Variants in PATL2 observed in about 807,000 individuals in gnomAD.
PATL2 encodes PAT1 homolog 2.
A neutral mutation model predicts 77.0 loss-of-function variants in PATL2; 73 were observed. The ratio of observed to expected loss-of-function variants is 0.95; its 90% CI spans 0.78 to 1.15. The LOEUF (loss-of-function observed/expected upper bound fraction) is 1.15, where lower values mean the gene tolerates loss of function less well. Among genes scored for constraint, PATL2 ranks in the 50% most tolerant of loss-of-function variants. PATL2 has a pLI of 0.00. For synonymous variants in PATL2, 265 were observed against 257.1 expected (o/e 1.03, Z -0.29); for missense variants, 618 against 655.4 (o/e 0.94, Z 0.62).
intron 3 of PATL2, among the ~76,000 whole-genome samples, chr15:44,700,825 G>A (rs550303626): frequency 1.3e-5 from 2 of 152,240 alleles, no homozygotes; most frequent in African/African-American, 4.8e-5. Context: ...TGGTGGAAGT[G>A]GGCATCTTTG....
chr15:44,671,134 T>C (rs1300821660), intron 9 of PATL2, among the ~76,000 whole-genome samples: 1 of 152,122 alleles, frequency 6.6e-6, no homozygotes, highest in Non-Finnish European at 1.5e-5. Context: ...AAATACCTAA[T>C]GTAAATGAGA....
chr15:44,687,297 G>A (rs1488693860), intron 3 of PATL2, among the ~76,000 whole-genome samples: 2 of 152,116 alleles, frequency 1.3e-5, no homozygotes, highest in African/African-American at 4.8e-5. Context: ...TAGAACCAAT[G>A]ACAAAAACCA....
Position 44,665,991 on chromosome 15 carries a change from T to C in PATL2, c.1614-20A>G, listed in dbSNP as rs374604893. ...GCAAACCTATAAAGAGAACAGATAT[T>C]AACTGCAAGCACAATTCTACTTTGC... is the stretch of plus-strand genomic sequence containing the variant. On this transcript the variant is annotated intron_variant, in intron 17 of 17. Transcript: ENST00000682850. 7.9e-6 allele frequency: 12 copies of C among 1,517,144 alleles called. No individual in the cohort carries two copies. The highest frequency in any genetic ancestry group is 1.1e-5 in the Non-Finnish European group (12 of 1,129,078). 94.0% of individuals were successfully genotyped at this position (1,517,144 alleles called of 1,614,324 possible). A position where few individuals can be genotyped will look rare whatever the true frequency, so the allele number is the denominator to read the frequency against.
intron 16 of PATL2, 74 bp downstream of exon 16, chr15:44,667,032 G>A (rs2085407957): frequency 9.2e-6 from 11 of 1,193,610 alleles, no homozygotes; most frequent in South Asian, 1.3e-5. Context: ...AATGCCTCAG[G>A]AAATACTTCA....
At chr15:44,675,920 G>A in intron 4 of PATL2, 1 of 520,444 alleles carries the variant, frequency 1.9e-6, no homozygotes. Context: ...GGTGGCTCGT[G>A]CCTGTAGTCC....
chr15:44,693,291 G>A (rs1421342925), intron 3 of PATL2, among the ~76,000 whole-genome samples: 1 of 152,180 alleles, frequency 6.6e-6, no homozygotes, highest in East Asian at 1.9e-4. Flanking sequence ...ATATGATGGG[G>A]CTAAAAATCA....
intron 3 of PATL2, among the ~76,000 whole-genome samples, chr15:44,691,660 C>CAA (rs551878031): frequency 1.0e-5 from 1 of 100,096 alleles, no homozygotes; most frequent in African/African-American, 3.5e-5. Flanking sequence ...GACTCTGTCT[C>CAA]AAAAAAAAAA....
intron 9 of PATL2, 112 bp from the exon 10 acceptor site, chr15:44,670,199 G>A: frequency 7.1e-7 from 1 of 1,405,542 alleles, no homozygotes; most frequent in Non-Finnish European, 9.5e-7. Flanking sequence ...TTTTGTGTGT[G>A]TTATAAGTTT....
At chr15:44,688,032 G>T (rs985805335) in intron 3 of PATL2, among the ~76,000 whole-genome samples, 2 of 152,078 alleles carry the variant, frequency 1.3e-5, no homozygotes, top group Admixed American at 1.3e-4. Context: ...CAGATCACGA[G>T]GTCAGGAGAT....
At chr15:44,684,063 A>G (rs975459428) in intron 3 of PATL2, among the ~76,000 whole-genome samples, 1 of 152,120 alleles carries the variant, frequency 6.6e-6, no homozygotes, top group African/African-American at 2.4e-5. Context: ...TAAAAAAAAA[A>G]AAAATCCACA....
chr15:44,676,702 G>A (rs2085975588), intron 3 of PATL2, 137 bp from the exon 4 acceptor site: 11 of 1,169,740 alleles, frequency 9.4e-6, no homozygotes, highest in Non-Finnish European at 1.2e-5. Context: ...AGACCCTGGG[G>A]TCTCAGACTG....
intron 15 of PATL2, 27 bp downstream of exon 15, chr15:44,668,315 T>C: frequency 1.3e-6 from 2 of 1,544,132 alleles, no homozygotes; most frequent in Non-Finnish European, 1.7e-6. Flanking sequence ...AAGCCATCTA[T>C]GGAAAAAAGC....
At position 44,669,348 on chromosome 15, in the gene PATL2, A is replaced by C; in HGVS notation, c.996T>G (p.Ser332=). ...TCTCAACCTGGTTGCTTTGCTGCTC[A>C]GAAAAGCAGGGCGGTGGAGGCCTAT... is the stretch of plus-strand genomic sequence containing the variant. ...WKYRPPPPCF[S]EQQSNQVEKL... is the part of the protein sequence containing the mutation. Residue 332 remains serine, a synonymous_variant, in exon 13 of 18, where the codon TCT becomes TCG. Coordinates refer to ENST00000682850, the MANE Select transcript of PATL2 (RefSeq NM_001387263.1). 1 of 1,551,674 alleles carries C rather than the reference A, an allele frequency of 6.4e-7. No individual in the cohort carries two copies. The highest frequency in any genetic ancestry group is 1.2e-5 in the South Asian group (1 of 84,066).
At chr15:44,666,620 T>C (rs2085385393) in intron 16 of PATL2, 79 bp from the exon 17 acceptor site, 1 of 1,377,802 alleles carries the variant, frequency 7.3e-7, no homozygotes, top group Middle Eastern at 2.5e-4. Flanking sequence ...TTATTATCTT[T>C]CCGTTACTAC....
At chr15:44,673,733 C>A (rs562516733) in intron 6 of PATL2, among the ~76,000 whole-genome samples, 1 of 45,988 alleles carries the variant, frequency 2.2e-5, no homozygotes, top group African/African-American at 8.4e-5. Flanking sequence ...TCACTCAAAG[C>A]CCTCCTCAGA....
chr15:44,702,100 GTTC>G (rs1429299185), intron 3 of PATL2, among the ~76,000 whole-genome samples: 6 of 152,126 alleles, frequency 3.9e-5, no homozygotes, highest in South Asian at 2.1e-4. Flanking sequence ...GTTGGTATTA[GTTC>G]TTCTTCATAT....
At position 44,667,135 on chromosome 15, in the gene PATL2, T is replaced by C; in HGVS notation, c.1434A>G (p.Leu478=). ...CTGTATGGTCACTGTTGGGTTCCTC[T>C]AGGGAAGAATGCAGCGATACCAGTT... ...GEQLVSLHSS[L]EEPNSDHTAW... The change falls in exon 16 of 18, where the codon CTA becomes CTG. Residue 478 remains leucine, a synonymous_variant. Transcript: ENST00000682850. 1 of 1,551,600 alleles carries C rather than the reference T, an allele frequency of 6.4e-7. No individual in the cohort carries two copies. Among genetic ancestry groups the C allele is most frequent in the Non-Finnish European group, 8.7e-7 (1 of 1,146,938 alleles).
intron 4 of PATL2, 157 bp downstream of exon 4, chr15:44,676,318 A>AGTG (rs1481473467): frequency 4.2e-6 from 3 of 709,550 alleles, no homozygotes; most frequent in Non-Finnish European, 5.0e-6. Flanking sequence ...AGCCCAGAAG[A>AGTG]GTGACCTTTC....
intron 3 of PATL2, among the ~76,000 whole-genome samples, chr15:44,695,913 G>A (rs904910587): frequency 1.2e-4 from 19 of 152,168 alleles, no homozygotes; most frequent in Non-Finnish European, 1.8e-4. Flanking sequence ...AACCACCAGA[G>A]AATAGAGAGC....
Sources: gnomAD v4.1 joint callset for allele counts (sites outside exome capture counted in the v4.1 genomes callset) on GRCh38, gnomAD v4.1.1 for gene constraint, MANE v1.5 for transcripts, NCBI Gene and HGNC (gene_info 2026-07-23, HGNC 2026-07-21) for gene names.